PCDHGB3: variants seen among roughly 807,000 people sequenced by gnomAD.
PCDHGB3 encodes protocadherin gamma subfamily B, 3, also known as protocadherin gamma-B3.
In PCDHGB3, 40 loss-of-function variants were observed where a neutral mutation model predicts 59.2. The observed-to-expected ratio is 0.68, with a 90% CI of 0.52 to 0.88. PCDHGB3 has a LOEUF of 0.88. Ranked by LOEUF, PCDHGB3 falls within the 40% of genes least tolerant of loss-of-function variation. PCDHGB3 has a pLI of 0.00. For missense variants in PCDHGB3, 1,309 were observed against 1,187.9 expected (o/e 1.10, Z -1.50); for synonymous variants, 581 against 503.6 (o/e 1.15, Z -2.06).
chr5:141,375,217 G>A (rs758328831), intron 1 of PCDHGB3: 2 of 1,613,968 alleles, frequency 1.2e-6, no homozygotes, highest in South Asian at 2.2e-5. Context: ...ACTCTGGCCT[G>A]AATGGCCTGG....
intron 1 of PCDHGB3, chr5:141,375,926 G>A: frequency 3.1e-6 from 5 of 1,613,758 alleles, no homozygotes; most frequent in African/African-American, 1.3e-5. Context: ...CAGCGAGCCA[G>A]GACTTTTCTC....
In PCDHGB3 at chr5:141,487,258, G is replaced by T. The variant is rs368598017; in HGVS notation, c.2416-7549G>T. On this transcript the variant is annotated intron_variant, in intron 1 of 3. Transcript: ENST00000576222. The surrounding 1 kb of genome is among the most constrained non-coding windows in gnomAD (Gnocchi z 5.0). ...CTCGTCTAACCCTCTACTTGGCTGT[G>T]TCCCTAGTGGCAATTTGCTTTGTCT... 1.5e-4 allele frequency: 240 copies of T among 1,614,026 alleles called. 1 individual carries two copies. The highest frequency in any genetic ancestry group is 3.3e-5 in the Admixed American group (2 of 60,004).
rs757797019 is a variant in PCDHGB3 at position 141,487,064 on chromosome 5, G to A, written c.2416-7743G>A. On this transcript the variant is annotated intron_variant, in intron 1 of 3. Transcript: ENST00000576222. The surrounding 1 kb of genome is among the most constrained non-coding windows in gnomAD (Gnocchi z 5.0). The stretch of plus-strand genomic sequence containing the variant: ...TCGATATGCTGGGGAGGTGCGGACG[G>A]CTGTTCCTATCCCAGCTGACCTCCC... 6.2e-6 allele frequency: 10 copies of A among 1,614,006 alleles called. No individual in the cohort carries two copies.
At chr5:141,473,270 T>C (rs538574742) in intron 1 of PCDHGB3, among the ~76,000 whole-genome samples, 4 of 152,326 alleles carry the variant, frequency 2.6e-5, no homozygotes, top group African/African-American at 9.6e-5. Context: ...GTGTATGCTA[T>C]GATTATTTTA....
intron 2 of PCDHGB3, among the ~76,000 whole-genome samples, chr5:141,501,200 G>A (rs888856586): frequency 1.3e-5 from 2 of 151,854 alleles, no homozygotes; most frequent in African/African-American, 4.8e-5. Context: ...AATTCAGGGT[G>A]TTGTCAGGGT....
intron 1 of PCDHGB3, chr5:141,374,357 C>A: frequency 6.2e-7 from 1 of 1,614,018 alleles, no homozygotes; most frequent in Non-Finnish European, 8.5e-7. Flanking sequence ...TAGGATAGAC[C>A]GCGAGGAGCT....
chr5:141,372,194 C>T lies in PCDHGB3; in HGVS notation c.1800C>T (p.Tyr600=). The T allele has an allele frequency of 6.2e-7, 1 of 1,613,572 alleles. No individual in the cohort carries two copies. The highest frequency in any genetic ancestry group is 8.5e-7 in the Non-Finnish European group (1 of 1,179,910). The stretch of plus-strand genomic sequence containing the variant: ...TGGCGGTGGACGCAGACTCGGGATA[C>T]AACGCCTGGCTGTCCTACCACATTG... ...KVVAVDADSG[Y]NAWLSYHIVQ... The change falls in exon 1 of 4, where the codon TAC becomes TAT. Residue 600 remains tyrosine (Y), a synonymous_variant. Transcript: ENST00000576222.
chr5:141,507,613 T>G (rs1003099044), intron 3 of PCDHGB3, among the ~76,000 whole-genome samples: 1 of 152,248 alleles, frequency 6.6e-6, no homozygotes, highest in African/African-American at 2.4e-5. Context: ...ACAGGTATAT[T>G]TAGCTGTTGT....
chr5:141,503,260 C>A (rs2154593294), intron 2 of PCDHGB3, among the ~76,000 whole-genome samples: 1 of 152,178 alleles, frequency 6.6e-6, no homozygotes, highest in African/African-American at 2.4e-5. Flanking sequence ...ACAGCCACAA[C>A]CCCAGCACCT....
rs779459928 is a variant in PCDHGB3, at chr5:141,375,433, C to G, written c.2415+2624C>G. 39 of 1,613,898 alleles carry G rather than the reference C, an allele frequency of 2.4e-5. No homozygotes were observed. The South Asian group carries it at 4.3e-4, about 18-fold the overall frequency. ...TGGCAGACACCAACGACAACCCGCC[C>G]ACCTTCCCCCATTCATCCTACTCAG... On this transcript the variant is annotated intron_variant, in intron 1 of 3. Coordinates refer to ENST00000576222, the MANE Select transcript of PCDHGB3 (RefSeq NM_018924.5).
rs185055424 is a variant in PCDHGB3, at chr5:141,457,894, G to A, written c.2416-36913G>A. Among the ~76,000 whole-genome samples the A allele has an allele frequency of 3.2e-3, 488 of 152,332 alleles. 1 individual carries two copies. Among genetic ancestry groups the A allele is most frequent in the Non-Finnish European group, 5.0e-3 (342 of 68,028 alleles). On this transcript the variant is annotated intron_variant, in intron 1 of 3. Transcript: ENST00000576222. ...GTTAGGAACCCTGTGTGGGGACTGT[G>A]TAGACAAGGTGTGAGGCCAGTTCTC...
At chr5:141,416,115 A>G (rs2095995433) in intron 1 of PCDHGB3, 2 of 155,406 alleles carry the variant, frequency 1.3e-5, no homozygotes, top group East Asian at 1.9e-4. Context: ...TTCAAACTAC[A>G]TTTTATATAT....
intron 1 of PCDHGB3, chr5:141,384,205 A>T: frequency 6.2e-7 from 1 of 1,613,874 alleles, no homozygotes; most frequent in Non-Finnish European, 8.5e-7. Context: ...GTCCAGGGAA[A>T]CTCACATATT....
chr5:141,400,181 A>C, intron 1 of PCDHGB3: 3 of 1,614,034 alleles, frequency 1.9e-6, no homozygotes, highest in Non-Finnish European at 2.5e-6. Context: ...GCTGAGCTGC[A>C]GTTTTACCTA....
rs570765907 is a variant in PCDHGB3, at chr5:141,414,583, G to T, written c.2415+41774G>T. The T allele has an allele frequency of 5.6e-6, 9 of 1,613,854 alleles. No individual in the cohort carries two copies. In the South Asian group the frequency reaches 8.8e-5, roughly 16 times the overall value. On this transcript the variant is annotated intron_variant, in intron 1 of 3. Coordinates refer to ENST00000576222, the MANE Select transcript of PCDHGB3 (RefSeq NM_018924.5). Reference sequence around the variant, plus strand: ...CTTTACCTATATCCCAGAGAACAACGCCAGGGGTGCCTCCATCTTCTCAGT... The same window carrying T: ...CTTTACCTATATCCCAGAGAACAACTCCAGGGGTGCCTCCATCTTCTCAGT...
chr5:141,444,545 CA>C (rs1264288836), intron 1 of PCDHGB3, among the ~76,000 whole-genome samples: 7 of 152,042 alleles, frequency 4.6e-5, no homozygotes, highest in Admixed American at 6.6e-5. Flanking sequence ...GTCTAGTGAG[CA>C]AAAGGCACTT....
At chr5:141,389,757 C>T in intron 1 of PCDHGB3, 2 of 1,612,818 alleles carry the variant, frequency 1.2e-6, no homozygotes, top group East Asian at 2.2e-5. Flanking sequence ...GGGCGAAGTG[C>T]GCACAGCGCG....
At chr5:141,427,814 G>T in intron 1 of PCDHGB3, 2 of 1,526,562 alleles carry the variant, frequency 1.3e-6, no homozygotes, top group South Asian at 2.2e-5. Context: ...CACAGAGCGG[G>T]GTGGTGGTCG....
rs1033888717 is a variant in PCDHGB3 at position 141,512,540 on chromosome 5, T to C, written c.*1367T>C. 6.5e-6 allele frequency: 1 copy of C among 152,886 alleles called. No homozygotes were observed. Among genetic ancestry groups the C allele is most frequent in the African/African-American group, 2.4e-5 (1 of 41,476 alleles). 9.5% of individuals were successfully genotyped at this position (152,886 alleles called of 1,614,324 possible). ...CCATAGCCTGGTTAAAGTTCCCCAGTGCCTCCTTGTGCATAGACCTTCTTC... is the reference window on the plus strand; with the variant it reads ...CCATAGCCTGGTTAAAGTTCCCCAGCGCCTCCTTGTGCATAGACCTTCTTC... On this transcript the variant is annotated 3_prime_UTR_variant, in exon 4 of 4. Transcript: ENST00000576222.
Sources: gnomAD v4.1 joint callset for allele counts (sites outside exome capture counted in the v4.1 genomes callset) on GRCh38, gnomAD v4.1.1 for gene constraint, Gnocchi (gnomAD v3.1) non-coding constraint, MANE v1.5 for transcripts, NCBI Gene and HGNC (gene_info 2026-07-23, HGNC 2026-07-21) for gene names.